Variants in LMTK2 observed in about 807,000 individuals in gnomAD.
LMTK2 encodes serine/threonine-protein kinase LMTK2.
LMTK2 carries 37 observed loss-of-function variants against 127.5 expected under a neutral mutation model. That is an observed-to-expected ratio of 0.29 (90% confidence interval 0.22 to 0.38). The LOEUF is 0.38. Ranked by LOEUF, LMTK2 falls within the 10% of genes least tolerant of loss-of-function variation. LMTK2 has a pLI of 1.00. For missense variants in LMTK2, 1,694 were observed against 1,920.3 expected, an observed-to-expected ratio of 0.88 and a Z score of 2.20; for synonymous variants, 819 against 810.1, an observed-to-expected ratio of 1.01 and a Z score of -0.19.
chr7:98,139,223 C>A (rs567470092), intron 2 of LMTK2, among the ~76,000 whole-genome samples: 106 of 152,272 alleles, frequency 7.0e-4, no homozygotes, highest in Admixed American at 1.7e-3. Flanking sequence ...GCAATCCTCC[C>A]ACCTTAGCCT....
At chr7:98,164,331 G>T (rs1366703497) in intron 6 of LMTK2, among the ~76,000 whole-genome samples, 1 of 152,158 alleles carries the variant, frequency 6.6e-6, no homozygotes, top group East Asian at 1.9e-4. Context: ...GAGCAAATTC[G>T]AAGTGCCGGG....
rs1188652180 is a variant in LMTK2 at position 98,194,334 on chromosome 7, A to G, written c.3869A>G (p.Asn1290Ser). The G allele has an allele frequency of 3.1e-6, 5 of 1,613,980 alleles. No individual in the cohort carries two copies. Among genetic ancestry groups the G allele is most frequent in the Non-Finnish European group, 4.2e-6 (5 of 1,180,008 alleles). ...DGMDADEEDE[N>S]SDDSDEDLRA... ...ATGGATGCAGACGAGGAGGACGAAA[A>G]CAGCGACGACTCGGACGAGGACCTG... is the stretch of plus-strand genomic sequence containing the variant. Residue 1290 changes from asparagine (N) to serine (S), a missense_variant, in exon 11 of 14, where the codon AAC becomes AGC. This residue lies in a region of LMTK2 where 554 missense variants were observed against 567.7 expected (regional missense o/e 0.98). Transcript: ENST00000297293. This position sits in a 1 kb window ranked among gnomAD's most constrained non-coding sequence, Gnocchi z 5.4.
At chr7:98,159,776 C>A (rs1308716175) in intron 6 of LMTK2, among the ~76,000 whole-genome samples, 2 of 152,126 alleles carry the variant, frequency 1.3e-5, no homozygotes, top group African/African-American at 4.8e-5. Flanking sequence ...TCTAGATGTG[C>A]CCTCCTAAGA....
chr7:98,190,628 C>T (rs1353553081), intron 9 of LMTK2, 100 bp from the exon 10 acceptor site: 3 of 1,077,808 alleles, frequency 2.8e-6, no homozygotes, highest in Non-Finnish European at 4.2e-6. Flanking sequence ...CTTTTCAATA[C>T]ACACCTTGTC....
intron 6 of LMTK2, among the ~76,000 whole-genome samples, chr7:98,170,176 C>T (rs1329743945): frequency 6.6e-6 from 1 of 152,206 alleles, no homozygotes; most frequent in Non-Finnish European, 1.5e-5. Context: ...CCTCCCTAAG[C>T]CTCAGTTCCA....
rs746334476 is a variant in LMTK2 at position 98,193,654 on chromosome 7, CCACAGCGGTCTG to C, written c.3191_3202del (p.His1064_Leu1067del). On this transcript the variant is annotated inframe_deletion, in exon 11 of 14. Transcript: ENST00000297293. The surrounding 1 kb of genome is among the most constrained non-coding windows in gnomAD (Gnocchi z 4.1). ...AACCAGCCACCACGGGCGATGGCGG[CCACAGCGGTCTG>C]CCTCCCAACCCGGTCATTGTCATCT... 49 of 1,613,808 alleles carry C rather than the reference CCACAGCGGTCTG, an allele frequency of 3.0e-5. No individual in the cohort carries two copies. The highest frequency in any genetic ancestry group is 3.9e-5 in the Non-Finnish European group (46 of 1,180,030).
At chr7:98,179,918 A>G (rs566490851) in intron 7 of LMTK2, among the ~76,000 whole-genome samples, 14 of 152,308 alleles carry the variant, frequency 9.2e-5, no homozygotes, top group African/African-American at 2.9e-4. Context: ...GTTGAGAGTT[A>G]TTGACGGTGA....
chr7:98,178,326 G>A (rs1002277417), intron 7 of LMTK2, among the ~76,000 whole-genome samples: 2 of 152,136 alleles, frequency 1.3e-5, no homozygotes, highest in African/African-American at 2.4e-5. Context: ...GGAGAACCCC[G>A]AAGACGCGCA....
At chr7:98,175,885 T>A (rs1797269103) in intron 7 of LMTK2, among the ~76,000 whole-genome samples, 1 of 152,244 alleles carries the variant, frequency 6.6e-6, no homozygotes, top group Non-Finnish European at 1.5e-5. Context: ...ATGGGTGTCC[T>A]CTGTCTGACC....
chr7:98,192,293 A>G lies in LMTK2; in HGVS notation c.1828A>G (p.Ser610Gly), dbSNP rs1474038139. ...SSTDEDFFQS[S>G]TDPKDSSLPG... Reference sequence around the variant, plus strand: ...TACAGATGAGGACTTCTTCCAAAGCAGTACAGACCCCAAAGACTCTAGCTT... The same window carrying G: ...TACAGATGAGGACTTCTTCCAAAGCGGTACAGACCCCAAAGACTCTAGCTT... Residue 610 changes from serine to glycine, a missense_variant, in exon 11 of 14, where the codon AGT becomes GGT. By Grantham distance (56) the Ser-to-Gly change is moderately conservative. Transcript: ENST00000297293. 3 of 1,538,726 alleles carry G rather than the reference A, an allele frequency of 1.9e-6. No individual in the cohort carries two copies. The highest frequency in any genetic ancestry group is 2.8e-5 in the African/African-American group (2 of 72,156).
chr7:98,171,517 A>T lies in LMTK2; in HGVS notation c.658-24A>T, dbSNP rs773235016. ...CTTTATTCCTGTGGCTCGTTTGGAA[A>T]CTCACACGGGCTGACTTTTGCAGGG... is the stretch of plus-strand genomic sequence containing the variant. On this transcript the variant is annotated intron_variant, in intron 6 of 13. Transcript: ENST00000297293. This position sits in a 1 kb window ranked among gnomAD's most constrained non-coding sequence, Gnocchi z 5.1. 6.7e-5 allele frequency: 108 copies of T among 1,613,654 alleles called. No homozygotes were observed. The highest frequency in any genetic ancestry group is 5.8e-4 in the Admixed American group (35 of 59,986).
chr7:98,190,979 C>G (rs1397486471), intron 10 of LMTK2, 102 bp downstream of exon 10: 3 of 1,109,440 alleles, frequency 2.7e-6, no homozygotes, highest in Non-Finnish European at 4.0e-6. Flanking sequence ...TCTTCATTTC[C>G]TCTTTCACCA....
intron 1 of LMTK2, among the ~76,000 whole-genome samples, chr7:98,111,284 T>G (rs1584238561): frequency 6.6e-6 from 1 of 152,366 alleles, no homozygotes; most frequent in East Asian, 1.9e-4. Flanking sequence ...ATTGTGTCAC[T>G]TAGATAACAG....
chr7:98,179,781 G>C (rs1797327596), intron 7 of LMTK2, among the ~76,000 whole-genome samples: 1 of 152,200 alleles, frequency 6.6e-6, no homozygotes, highest in African/African-American at 2.4e-5. Flanking sequence ...AAGGCTTCTG[G>C]ATGGAGTGCA....
chr7:98,148,452 C>T (rs1796802293), intron 3 of LMTK2, among the ~76,000 whole-genome samples: 1 of 147,878 alleles, frequency 6.8e-6, no homozygotes, highest in Non-Finnish European at 1.5e-5. Flanking sequence ...AAGATTGCTC[C>T]ACTGCACTCC....
At position 98,192,175 on chromosome 7, in the gene LMTK2, G is replaced by T. The variant is rs183069995; in HGVS notation, c.1710G>T (p.Ala570=). The T allele has an allele frequency of 5.4e-5, 82 of 1,527,268 alleles. No homozygotes were observed. In the African/African-American group the frequency reaches 1.0e-3, roughly 19 times the overall value. The allele number at this position is 1,527,268 out of a possible 1,614,324, so 94.6% of individuals were successfully genotyped here. A position where few individuals can be genotyped will look rare whatever the true frequency, so the allele number is the denominator to read the frequency against. Residue 570 remains alanine, a synonymous_variant, in exon 11 of 14, where the codon GCG becomes GCT. Transcript: ENST00000297293. ...ACTTGGAGCTTGATTACCCACCAGCGCTGCTCACAACCGACATGGATAATC... is the reference window on the plus strand; with the variant it reads ...ACTTGGAGCTTGATTACCCACCAGCTCTGCTCACAACCGACATGGATAATC... ...GSNLELDYPP[A]LLTTDMDNPE...
chr7:98,174,104 TAA>T lies in LMTK2; in HGVS notation c.791+2447_791+2448del, dbSNP rs11351887. Among the ~76,000 whole-genome samples, 565 of 117,866 alleles carry T rather than the reference TAA, an allele frequency of 4.8e-3. 1 individual carries two copies. The highest frequency in any genetic ancestry group is 0.02 in the Middle Eastern group (5 of 252). The allele number at this position is 117,866 out of a possible 152,430, so 77.3% of individuals were successfully genotyped here. A position where few individuals can be genotyped will look rare whatever the true frequency, so the allele number is the denominator to read the frequency against. ...CATTGACAGCTGTTTCATTTTGTTG[TAA>T]AAAAAAAAAAAAAAAAGAAAAAGTA... On this transcript the variant is annotated intron_variant, in intron 7 of 13. Transcript: ENST00000297293.
chr7:98,185,213 T>C, intron 8 of LMTK2, 78 bp downstream of exon 8: 3 of 990,026 alleles, frequency 3.0e-6, no homozygotes, highest in South Asian at 2.9e-5. Flanking sequence ...TGCCCCACTG[T>C]TTGTATAAGA....
chr7:98,119,727 A>T (rs985975051), intron 1 of LMTK2, among the ~76,000 whole-genome samples: 4 of 152,192 alleles, frequency 2.6e-5, no homozygotes, highest in Non-Finnish European at 5.9e-5. Flanking sequence ...TCGTAGGGAA[A>T]TTTTGAGAGC....
Sources: gnomAD v4.1 joint callset for allele counts (sites outside exome capture counted in the v4.1 genomes callset) on GRCh38, gnomAD v4.1.1 for gene constraint, gnomAD v4.1.1 regional missense constraint, Gnocchi (gnomAD v3.1) non-coding constraint, MANE v1.5 for transcripts, NCBI Gene and HGNC (gene_info 2026-07-23, HGNC 2026-07-21) for gene names.